The following RPS6KA3 variants were observed in gnomAD, a reference collection of about 807,000 sequenced individuals.
RPS6KA3 encodes ribosomal protein S6 kinase alpha-3.
RPS6KA3 carries 4 observed loss-of-function variants against 67.2 expected under a neutral mutation model. The ratio of observed to expected loss-of-function variants is 0.06; its 90% CI spans 0.03 to 0.14. The LOEUF is 0.14. Ranked by LOEUF, RPS6KA3 falls within the 10% of genes least tolerant of loss-of-function variation. The pLI is 1.00. For missense variants in RPS6KA3, 204 were observed against 559.0 expected, an observed-to-expected ratio of 0.36 and a Z score of 6.40; for synonymous variants, 182 against 183.7, an observed-to-expected ratio of 0.99 and a Z score of 0.07.
chrX:20,248,313 C>A (rs1203254422), intron 1 of RPS6KA3, among the ~76,000 whole-genome samples: 1 of 111,956 alleles, frequency 8.9e-6, no homozygotes, highest in Non-Finnish European at 1.9e-5. Context: ...GTGAAAATAG[C>A]AGGCATAGTT....
At chrX:20,190,005 G>T (rs2068082919) in intron 7 of RPS6KA3, among the ~76,000 whole-genome samples, 2 of 110,573 alleles carry the variant, frequency 1.8e-5, no homozygotes, top group Non-Finnish European at 3.8e-5. Flanking sequence ...GCATTATTAG[G>T]TACTGTAGAA....
chrX:20,229,048 T>C (rs1354689996), intron 2 of RPS6KA3, among the ~76,000 whole-genome samples: 1 of 111,517 alleles, frequency 9.0e-6, no homozygotes, highest in East Asian at 2.8e-4. Flanking sequence ...CTAGATGTAG[T>C]TAGAATATGG....
chrX:20,181,401 G>C (rs2067839826), intron 10 of RPS6KA3, among the ~76,000 whole-genome samples: 1 of 110,951 alleles, frequency 9.0e-6, no homozygotes, highest in South Asian at 3.8e-4. Flanking sequence ...GTGGCCACCA[G>C]TGTCAAATAC....
intron 10 of RPS6KA3, among the ~76,000 whole-genome samples, 195 bp downstream of exon 10, chrX:20,186,101 C>T (rs1030550445): frequency 3.6e-5 from 4 of 110,902 alleles, no homozygotes; most frequent in African/African-American, 1.3e-4. Context: ...ACCACCATGC[C>T]CGGCTAAGTT....
intron 2 of RPS6KA3, among the ~76,000 whole-genome samples, chrX:20,225,243 G>GTT (rs374712907): frequency 1.1e-4 from 9 of 79,923 alleles, no homozygotes; most frequent in Non-Finnish European, 2.1e-4. Context: ...TTTTTTTTTT[G>GTT]TTTTTTTTTT....
intron 10 of RPS6KA3, among the ~76,000 whole-genome samples, chrX:20,178,163 T>A (rs1038592780): frequency 8.9e-6 from 1 of 111,934 alleles, no homozygotes; most frequent in African/African-American, 3.2e-5. Flanking sequence ...TGGATACAGA[T>A]AATGCTAGTA....
intron 1 of RPS6KA3, among the ~76,000 whole-genome samples, chrX:20,254,080 C>A (rs915428363): frequency 1.7e-4 from 19 of 111,913 alleles, no homozygotes; most frequent in African/African-American, 6.2e-4. Context: ...TACCAACAGC[C>A]AGCAGGAACT....
chrX:20,222,646 T>C (rs955316001), intron 2 of RPS6KA3, among the ~76,000 whole-genome samples: 1 of 112,125 alleles, frequency 8.9e-6, no homozygotes, highest in African/African-American at 3.2e-5. Context: ...TAATCTTTTT[T>C]TTGTCAGAAA....
intron 10 of RPS6KA3, among the ~76,000 whole-genome samples, chrX:20,185,590 G>A (rs2067961988): frequency 9.0e-6 from 1 of 111,406 alleles, no homozygotes; most frequent in East Asian, 2.8e-4. Flanking sequence ...GTTTTGCTAT[G>A]TTGTGCAGGC....
At chrX:20,203,098 A>G (rs1198749502) in intron 4 of RPS6KA3, among the ~76,000 whole-genome samples, 1 of 111,916 alleles carries the variant, frequency 8.9e-6, no homozygotes, top group Non-Finnish European at 1.9e-5. Context: ...CAAATATTAG[A>G]GAATATTTTC....
At chrX:20,240,029 G>A (rs1471847799) in intron 1 of RPS6KA3, among the ~76,000 whole-genome samples, 1 of 110,536 alleles carries the variant, frequency 9.0e-6, no homozygotes. Flanking sequence ...GATTTCAGCA[G>A]GAGATCATCA....
intron 19 of RPS6KA3, 107 bp downstream of exon 19, chrX:20,162,857 G>GCAAA (rs750636330): frequency 8.4e-6 from 5 of 597,895 alleles, no homozygotes; most frequent in Non-Finnish European, 1.5e-5. Context: ...TAAAGAAAAA[G>GCAAA]CAAACAAACA....
chrX:20,258,523 C>T (rs1281774368), intron 1 of RPS6KA3, among the ~76,000 whole-genome samples: 1 of 111,785 alleles, frequency 8.9e-6, no homozygotes, highest in Non-Finnish European at 1.9e-5. Flanking sequence ...CTGCTTCTAA[C>T]ACATATCAAA....
intron 2 of RPS6KA3, chrX:20,218,976 A>G (rs2068925461): frequency 4.4e-6 from 2 of 457,568 alleles, no homozygotes; most frequent in Non-Finnish European, 7.3e-6. Context: ...CGGGTCCTGA[A>G]AATGCTAGAA....
intron 1 of RPS6KA3, among the ~76,000 whole-genome samples, chrX:20,245,638 C>T (rs1465685644): frequency 1.8e-5 from 2 of 111,759 alleles, no homozygotes; most frequent in Non-Finnish European, 3.8e-5. Context: ...TACCTTCAAA[C>T]CCTCTTAGTA....
At chrX:20,193,965 C>A (rs1208303752) in intron 6 of RPS6KA3, among the ~76,000 whole-genome samples, 2 of 112,214 alleles carry the variant, frequency 1.8e-5, no homozygotes, top group African/African-American at 3.2e-5. Flanking sequence ...CTGGAAAAAA[C>A]TATAAAAGAA....
At chrX:20,174,503 C>A (rs773727160) in intron 14 of RPS6KA3, among the ~76,000 whole-genome samples, 1 of 108,506 alleles carries the variant, frequency 9.2e-6, no homozygotes, top group South Asian at 4.1e-4. Flanking sequence ...CATGCGCCAC[C>A]ACGCCCAGCT....
chrX:20,217,369 G>A (rs772971810), intron 2 of RPS6KA3, among the ~76,000 whole-genome samples: 4 of 112,672 alleles, frequency 3.6e-5, no homozygotes, highest in South Asian at 3.6e-4. Context: ...TTGAATTATC[G>A]AAAACCTAAT....
intron 16 of RPS6KA3, among the ~76,000 whole-genome samples, chrX:20,168,180 C>T (rs1184619334): frequency 8.9e-6 from 1 of 111,905 alleles, no homozygotes; most frequent in Non-Finnish European, 1.9e-5. Flanking sequence ...TGTTTGCCAA[C>T]ACTTTGTTAT....
Sources: gnomAD v4.1 joint callset for allele counts (sites outside exome capture counted in the v4.1 genomes callset) on GRCh38, gnomAD v4.1.1 for gene constraint, MANE v1.5 for transcripts, NCBI Gene and HGNC (gene_info 2026-07-23, HGNC 2026-07-21) for gene names.